The following ADARB2 variants were observed in gnomAD, a reference collection of about 807,000 sequenced individuals.
ADARB2 encodes adenosine deaminase RNA specific B2 (inactive).
In ADARB2, 25 loss-of-function variants were observed where a neutral mutation model predicts 62.2. The observed-to-expected ratio is 0.40, with a 90% CI of 0.29 to 0.56. The LOEUF (loss-of-function observed/expected upper bound fraction) is 0.56, where lower values mean the gene tolerates loss of function less well. ADARB2 is among the 20% of genes least tolerant of loss of function. ADARB2 has a pLI of 0.43. For synonymous variants in ADARB2, 572 were observed against 500.8 expected, an observed-to-expected ratio of 1.14 and a Z score of -1.90; for missense variants, 1,071 against 1,077.4, an observed-to-expected ratio of 0.99 and a Z score of 0.08.
chr10:1,453,743 C>T (rs560709609), intron 1 of ADARB2, among the ~76,000 whole-genome samples: 198 of 152,174 alleles, frequency 1.3e-3, no homozygotes, highest in Non-Finnish European at 2.3e-3. Flanking sequence ...AGTACGCACA[C>T]GGAAAGAAGC....
chr10:1,576,536 G>A (rs1320077), intron 1 of ADARB2, among the ~76,000 whole-genome samples: 48,161 of 152,054 alleles, frequency 0.32, 7,836 homozygotes, highest in African/African-American at 0.36. Context: ...TGAGGGTCCC[G>A]TGAACTGCAG....
intron 2 of ADARB2, 69 bp downstream of exon 2, chr10:1,379,005 G>T: frequency 1.5e-6 from 2 of 1,350,242 alleles, no homozygotes; most frequent in South Asian, 2.4e-5. Context: ...AGGTTTTGGG[G>T]ACTGCAGGGG....
chr10:1,526,469 G>C (rs1023281521), intron 1 of ADARB2, among the ~76,000 whole-genome samples: 1 of 152,146 alleles, frequency 6.6e-6, no homozygotes, highest in East Asian at 1.9e-4. Context: ...GATCCCTCAC[G>C]ATTATCTTGG....
intron 7 of ADARB2, among the ~76,000 whole-genome samples, chr10:1,214,076 G>C (rs1414690834): frequency 6.9e-6 from 1 of 145,096 alleles, no homozygotes; most frequent in Non-Finnish European, 1.5e-5. Context: ...GTGACACATA[G>C]GTTTGCACCT....
In ADARB2 at chr10:1,548,109, A is replaced by G. The variant is rs887259145; in HGVS notation, c.101-168949T>C. On this transcript the variant is annotated intron_variant, in intron 1 of 9. Coordinates refer to ENST00000381312, the MANE Select transcript of ADARB2 (RefSeq NM_018702.4). The stretch of plus-strand genomic sequence containing the variant: ...CTGCCTCCCTAAGTGACTGACCCTC[A>G]ATAAAAACCTTGGACGCCGAAGCTC... Among the ~76,000 whole-genome samples the G allele has an allele frequency of 2.6e-5, 4 of 152,276 alleles. No individual in the cohort carries two copies. In the South Asian group the frequency reaches 8.3e-4, roughly 32 times the overall value.
rs1311840465 is a variant in ADARB2, at chr10:1,327,844, G to GCGCC, written c.1077+35183_1077+35184insGGCG. Among the ~76,000 whole-genome samples, 23 of 53,102 alleles carry GCGCC rather than the reference G, an allele frequency of 4.3e-4. 1 individual carries two copies. The highest frequency in any genetic ancestry group is 1.8e-3 in the African/African-American group (21 of 11,366). The allele number at this position is 53,102 out of a possible 152,430, so 34.8% of individuals were successfully genotyped here. ...TCACAGCTCAGCACCTCACAGCTCA[G>GCGCC]TGCCTCCTCACAGCTCAGCGCCTCC... is the stretch of plus-strand genomic sequence containing the variant. On this transcript the variant is annotated intron_variant, in intron 3 of 9. Coordinates refer to ENST00000381312, the MANE Select transcript of ADARB2 (RefSeq NM_018702.4).
chr10:1,423,836 G>A (rs1454067576), intron 1 of ADARB2, among the ~76,000 whole-genome samples: 10 of 151,806 alleles, frequency 6.6e-5, no homozygotes, highest in South Asian at 2.1e-4. Flanking sequence ...AATCCACTAC[G>A]TATGCAGCAG....
rs186218959 is a variant in ADARB2, at chr10:1,377,347, T to C, written c.187+1727A>G. On this transcript the variant is annotated intron_variant, in intron 2 of 9. Transcript: ENST00000381312. ...ACATGCCTGGTGTGTGCTCCTGGGG[T>C]GTGTGTGTTTGTGCTCCTGGGGTGT... Among the ~76,000 whole-genome samples, 121 of 138,452 alleles carry C rather than the reference T, an allele frequency of 8.7e-4. 1 individual carries two copies. Among genetic ancestry groups the C allele is most frequent in the African/African-American group, 3.1e-3 (114 of 36,238 alleles). 90.8% of individuals were successfully genotyped at this position (138,452 alleles called of 152,430 possible).
intron 1 of ADARB2, among the ~76,000 whole-genome samples, chr10:1,722,422 A>T (rs1267778257): frequency 6.6e-6 from 1 of 152,226 alleles, no homozygotes; most frequent in African/African-American, 2.4e-5. Flanking sequence ...CTTCTTGTTT[A>T]TGCAGGCAAG....
At chr10:1,680,603 A>G (rs1834524175) in intron 1 of ADARB2, among the ~76,000 whole-genome samples, 1 of 152,198 alleles carries the variant, frequency 6.6e-6, no homozygotes, top group African/African-American at 2.4e-5. Flanking sequence ...TCCCAAGAAC[A>G]GGGCATCCAC....
chr10:1,697,896 C>T (rs117290372), intron 1 of ADARB2, among the ~76,000 whole-genome samples: 2,831 of 152,308 alleles, frequency 0.019, 48 homozygotes, highest in Non-Finnish European at 0.027. Flanking sequence ...GAAGGTTCCT[C>T]TCAAGAAGTA....
rs146305396 is a variant in ADARB2 at position 1,281,846 on chromosome 10, C to T, written c.1078-10777G>A. 6.2e-3 allele frequency among the ~76,000 whole-genome samples: 942 copies of T among 152,252 alleles called. 39 individuals are homozygous for T. Among genetic ancestry groups the T allele is most frequent in the Admixed American group, 0.056 (849 of 15,292 alleles). On this transcript the variant is annotated intron_variant, in intron 3 of 9. Transcript: ENST00000381312. ...ATTCTTTACATTTTAAATTGAGGGG[C>T]GCTTGACATTTATATGAAGCATATT... is the stretch of plus-strand genomic sequence containing the variant.
intron 1 of ADARB2, among the ~76,000 whole-genome samples, chr10:1,544,956 T>TATACAAAC (rs10526252): frequency 7.5e-6 from 1 of 133,848 alleles, no homozygotes; most frequent in African/African-American, 2.7e-5. Flanking sequence ...TAGCAAAGTA[T>TATACAAAC]ACACACACAC....
intron 1 of ADARB2, among the ~76,000 whole-genome samples, chr10:1,446,119 C>A (rs551712903): frequency 6.6e-6 from 1 of 152,230 alleles, no homozygotes; most frequent in East Asian, 1.9e-4. Context: ...TTGTCATGGA[C>A]CAGGACAAGA....
At chr10:1,267,300 CTA>C (rs1420640203) in intron 4 of ADARB2, among the ~76,000 whole-genome samples, 4 of 152,182 alleles carry the variant, frequency 2.6e-5, no homozygotes, top group Non-Finnish European at 5.9e-5. Flanking sequence ...CCCTGGGAAT[CTA>C]TTGAGACGGA....
intron 1 of ADARB2, among the ~76,000 whole-genome samples, chr10:1,468,758 G>A (rs963377516): frequency 1.3e-5 from 2 of 152,348 alleles, no homozygotes; most frequent in East Asian, 1.9e-4. Flanking sequence ...TTTCGCCTGC[G>A]GAAGCGACGG....
At chr10:1,331,613 G>C (rs1018589028) in intron 3 of ADARB2, among the ~76,000 whole-genome samples, 2 of 152,188 alleles carry the variant, frequency 1.3e-5, no homozygotes, top group Non-Finnish European at 2.9e-5. Flanking sequence ...GGTTTGTTGT[G>C]AGGTCAGAAA....
chr10:1,294,061 A>T (rs1831502254), intron 3 of ADARB2, among the ~76,000 whole-genome samples: 1 of 152,206 alleles, frequency 6.6e-6, no homozygotes, highest in Non-Finnish European at 1.5e-5. Flanking sequence ...CTTCCCATGA[A>T]TGGGAATTCC....
At chr10:1,525,843 G>T (rs1206504205) in intron 1 of ADARB2, among the ~76,000 whole-genome samples, 1 of 152,054 alleles carries the variant, frequency 6.6e-6, no homozygotes, top group Non-Finnish European at 1.5e-5. Context: ...ATGTTCATGT[G>T]CTTGTGTGTG....
Sources: gnomAD v4.1 joint callset for allele counts (sites outside exome capture counted in the v4.1 genomes callset) on GRCh38, gnomAD v4.1.1 for gene constraint, MANE v1.5 for transcripts, NCBI Gene and HGNC (gene_info 2026-07-23, HGNC 2026-07-21) for gene names.